MID1: variants seen among roughly 807,000 people sequenced by gnomAD.
The protein encoded by MID1 is midline 1.
A neutral mutation model predicts 40.4 loss-of-function variants in MID1; 7 were observed. That is an observed-to-expected ratio of 0.17 (90% CI 0.10 to 0.33). The LOEUF (loss-of-function observed/expected upper bound fraction) is 0.33. Ranked by LOEUF, MID1 falls within the 10% of genes least tolerant of loss-of-function variation. MID1 has a pLI of 1.00. For synonymous variants in MID1, 229 were observed against 221.2 expected, an observed-to-expected ratio of 1.04 and a Z score of -0.31; for missense variants, 367 against 558.5, an observed-to-expected ratio of 0.66 and a Z score of 3.46.
At chrX:10,626,769 T>G (rs991757690) in intron 1 of MID1, among the ~76,000 whole-genome samples, 2 of 112,006 alleles carry the variant, frequency 1.8e-5, no homozygotes, top group African/African-American at 6.5e-5. Context: ...TCATGTTCTA[T>G]GAAAAAATAA....
At chrX:10,828,717 CATT>C (rs1418517159) in intron 1 of MID1, among the ~76,000 whole-genome samples, 1 of 111,551 alleles carries the variant, frequency 9.0e-6, no homozygotes, top group Non-Finnish European at 1.9e-5. Context: ...AATTTTAAAT[CATT>C]GAGTGGGCAA....
intron 1 of MID1, among the ~76,000 whole-genome samples, chrX:10,784,170 C>A (rs760241135): frequency 9.0e-6 from 1 of 111,490 alleles, no homozygotes; most frequent in African/African-American, 3.2e-5. Context: ...GTATATTCTG[C>A]CATCAGTGTA....
intron 1 of MID1, among the ~76,000 whole-genome samples, chrX:10,591,346 T>G (rs1456477117): frequency 8.9e-6 from 1 of 112,561 alleles, no homozygotes; most frequent in African/African-American, 3.2e-5. Flanking sequence ...CTTATATAAG[T>G]CAACAGGGTC....
rs372090147 is a variant in MID1 at position 10,664,273 on chromosome X, T to C, written c.-186-43854A>G. Among the ~76,000 whole-genome samples the C allele has an allele frequency of 3.6e-3, 405 of 111,790 alleles. 5 individuals are homozygous for C. Among genetic ancestry groups the C allele is most frequent in the African/African-American group, 0.013 (386 of 30,631 alleles). On this transcript the variant is annotated intron_variant, in intron 1 of 10. Coordinates refer to the MID1 transcript ENST00000380785. ...ACCTCCCGGGTTCAAGCGATTCTCC[T>C]GCCTCAGCCTCCTGAGAAGCTAGGA...
intron 1 of MID1, among the ~76,000 whole-genome samples, chrX:10,672,085 C>T (rs1046083306): frequency 2.7e-5 from 3 of 110,461 alleles, no homozygotes; most frequent in Admixed American, 9.7e-5. Context: ...ATTAGCTGAG[C>T]GTGGTGGTGC....
At chrX:10,618,066 G>A (rs755175006) in intron 1 of MID1, among the ~76,000 whole-genome samples, 18 of 111,221 alleles carry the variant, frequency 1.6e-4, no homozygotes, top group South Asian at 3.9e-4. Context: ...CTAATTCTGC[G>A]GGCAATTTCT....
intron 1 of MID1, among the ~76,000 whole-genome samples, chrX:10,795,181 C>A (rs905406009): frequency 8.9e-6 from 1 of 112,161 alleles, no homozygotes; most frequent in African/African-American, 3.2e-5. Flanking sequence ...GCAGACATTG[C>A]AAAATGTCCC....
intron 2 of MID1, among the ~76,000 whole-genome samples, chrX:10,545,943 G>T (rs1296220531): frequency 9.0e-6 from 1 of 111,171 alleles, no homozygotes; most frequent in Non-Finnish European, 1.9e-5. Context: ...ATGAATAATA[G>T]ATTTGAATAA....
chrX:10,683,924 G>A (rs1026188466), intron 1 of MID1, among the ~76,000 whole-genome samples: 5 of 106,237 alleles, frequency 4.7e-5, no homozygotes, highest in African/African-American at 3.4e-5. Context: ...GCATGTGCAC[G>A]ACATCTGGCT....
At chrX:10,521,261 C>T (rs1043683062) in intron 3 of MID1, among the ~76,000 whole-genome samples, 3 of 110,969 alleles carry the variant, frequency 2.7e-5, no homozygotes, top group Non-Finnish European at 5.7e-5. Context: ...CAAGCCCCAC[C>T]TCCAGCATTG....
At chrX:10,611,201 T>C (rs1372976703) in intron 1 of MID1, among the ~76,000 whole-genome samples, 2 of 112,216 alleles carry the variant, frequency 1.8e-5, no homozygotes, top group Non-Finnish European at 3.8e-5. Flanking sequence ...GGTAGTAAAT[T>C]ATACTTGTAA....
intron 1 of MID1, among the ~76,000 whole-genome samples, chrX:10,719,592 G>C (rs2147095428): frequency 8.9e-6 from 1 of 112,080 alleles, no homozygotes; most frequent in African/African-American, 3.2e-5. Flanking sequence ...TGGGTAGGAA[G>C]AATCAATATC....
chrX:10,754,316 G>GTTTTTTTT (rs1210089624), intron 1 of MID1, among the ~76,000 whole-genome samples: 1 of 105,408 alleles, frequency 9.5e-6, no homozygotes, highest in African/African-American at 3.9e-5. Context: ...TTTGTTTTTT[G>GTTTTTTTT]TTTTTTGTTT....
chrX:10,815,516 C>T (rs765470926), intron 1 of MID1, among the ~76,000 whole-genome samples: 2 of 112,515 alleles, frequency 1.8e-5, no homozygotes, highest in African/African-American at 6.4e-5. Context: ...TGGAGTCTTA[C>T]GTGGCTTCTT....
chrX:10,713,201 C>T (rs1052073884), intron 1 of MID1, among the ~76,000 whole-genome samples: 1 of 111,924 alleles, frequency 8.9e-6, no homozygotes, highest in Non-Finnish European at 1.9e-5. Flanking sequence ...GAACCACGCC[C>T]GGCCTAGTTC....
intron 1 of MID1, among the ~76,000 whole-genome samples, chrX:10,789,024 A>C (rs1326114131): frequency 2.9e-5 from 3 of 104,750 alleles, no homozygotes; most frequent in Non-Finnish European, 5.7e-5. Context: ...AGCAAACACA[A>C]AACAAATAAA....
intron 3 of MID1, chrX:10,501,393 T>C (rs1176500488): frequency 3.5e-6 from 4 of 1,150,176 alleles, no homozygotes; most frequent in Non-Finnish European, 4.6e-6. Context: ...CTCACCCATC[T>C]GCTCAGCACA....
chrX:10,573,069 T>A (rs1426995183), intron 1 of MID1, among the ~76,000 whole-genome samples: 1 of 112,512 alleles, frequency 8.9e-6, no homozygotes, highest in Non-Finnish European at 1.9e-5. Context: ...AAGCCCCACA[T>A]CGTGGGAGGC....
chrX:10,783,180 T>C (rs1283180730), intron 1 of MID1, among the ~76,000 whole-genome samples: 2 of 111,424 alleles, frequency 1.8e-5, no homozygotes, highest in Non-Finnish European at 3.8e-5. Flanking sequence ...GTAATGGGAG[T>C]TCTGTTCCCA....
Sources: allele counts gnomAD v4.1 joint callset (sites outside exome capture counted in the v4.1 genomes callset), GRCh38; gene constraint gnomAD v4.1.1; transcripts MANE v1.5; gene names NCBI Gene and HGNC (gene_info 2026-07-23, HGNC 2026-07-21).